The following TMEM245 variants were observed in gnomAD, a reference collection of about 807,000 sequenced individuals.
The protein encoded by TMEM245 is transmembrane protein 245, also known as protein CG-2.
Under a neutral mutation model 101.2 loss-of-function variants are expected in TMEM245, and 69 were observed. The ratio of observed to expected loss-of-function variants is 0.68; its 90% CI spans 0.56 to 0.83. The LOEUF (loss-of-function observed/expected upper bound fraction) is 0.83, where lower values mean the gene tolerates loss of function less well. Ranked by LOEUF, TMEM245 falls within the 40% of genes least tolerant of loss-of-function variation. The pLI is 0.00. For missense variants in TMEM245, 1,075 were observed against 1,092.8 expected, an observed-to-expected ratio of 0.98 and a Z score of 0.23; for synonymous variants, 537 against 449.8, an observed-to-expected ratio of 1.19 and a Z score of -2.45.
At chr9:109,074,997 A>G (rs1006472533) in intron 8 of TMEM245, among the ~76,000 whole-genome samples, 1 of 152,210 alleles carries the variant, frequency 6.6e-6, no homozygotes, top group African/African-American at 2.4e-5. Flanking sequence ...ATATGGAAAA[A>G]GAGAGGGCTG....
At chr9:109,059,846 G>A (rs1828956111) in intron 11 of TMEM245, among the ~76,000 whole-genome samples, 1 of 151,828 alleles carries the variant, frequency 6.6e-6, no homozygotes, top group South Asian at 2.1e-4. Context: ...CTTAAAATAT[G>A]GCTAGCTCAA....
chr9:109,034,102 G>A (rs1828049162), intron 16 of TMEM245, among the ~76,000 whole-genome samples: 1 of 152,218 alleles, frequency 6.6e-6, no homozygotes, highest in Non-Finnish European at 1.5e-5. Context: ...TATCACTTAT[G>A]TAAGCGGAAT....
chr9:109,038,472 T>C (rs144766739), intron 14 of TMEM245: 9 of 173,562 alleles, frequency 5.2e-5, no homozygotes, highest in African/African-American at 2.1e-4. Context: ...GGAAAGAAAA[T>C]TAAGCGTGAA....
At chr9:109,059,438 CG>C (rs1354499496) in intron 11 of TMEM245, among the ~76,000 whole-genome samples, 2 of 152,126 alleles carry the variant, frequency 1.3e-5, no homozygotes, top group Non-Finnish European at 2.9e-5. Context: ...ATACACAGCA[CG>C]GCTCCTGCTA....
chr9:109,050,339 T>C lies in TMEM245; in HGVS notation c.2067A>G (p.Leu689=), dbSNP rs753297501. 17 of 1,613,990 alleles carry C rather than the reference T, an allele frequency of 1.1e-5. No individual in the cohort carries two copies. The highest frequency in any genetic ancestry group is 1.3e-5 in the African/African-American group (1 of 74,914). Residue 689 remains leucine, a synonymous_variant, in exon 14 of 18, where the codon CTA becomes CTG. Coordinates refer to ENST00000374586, the MANE Select transcript of TMEM245 (RefSeq NM_032012.4). ...PVKWVISLTP[L]SQPGPSSNII... is the part of the protein sequence containing the mutation. Reference sequence around the variant, plus strand: ...TATTAGAAGAAGGACCTGGCTGAGATAGTGGAGTCAGGCTTATCACCCACT... The same window carrying C: ...TATTAGAAGAAGGACCTGGCTGAGACAGTGGAGTCAGGCTTATCACCCACT...
chr9:109,082,551 C>T (rs188133159), intron 7 of TMEM245, among the ~76,000 whole-genome samples: 36 of 152,188 alleles, frequency 2.4e-4, no homozygotes, highest in Non-Finnish European at 4.1e-4. Context: ...CATTCAATTA[C>T]TATGTGTTTG....
In TMEM245 at chr9:109,091,126, T is replaced by G. The variant is rs752431760; in HGVS notation, c.946A>C (p.Thr316Pro). 3.7e-6 allele frequency: 6 copies of G among 1,613,996 alleles called. No homozygotes were observed. The highest frequency in any genetic ancestry group is 4.2e-6 in the Non-Finnish European group (5 of 1,179,998). ...EAVDRGESAP[T>P]LSTSPSPSSP... ...GAGGGTGAAGGGGAGGTGGACAACG[T>G]TGGAGCGGATTCTCCCCTGTCCACT... The change falls in exon 5 of 18, where the codon ACG becomes CCG. Residue 316 changes from threonine to proline, a missense_variant. Thr to Pro is a conservative substitution (Grantham distance 38). This residue lies in a region of TMEM245 where 808 missense variants were observed against 741.5 expected (regional missense o/e 1.09). Coordinates refer to ENST00000374586, the MANE Select transcript of TMEM245 (RefSeq NM_032012.4).
intron 7 of TMEM245, among the ~76,000 whole-genome samples, chr9:109,081,291 A>T (rs1829658984): frequency 6.6e-6 from 1 of 152,180 alleles, no homozygotes. Context: ...AGCTGACCTA[A>T]AATCTTATGA....
In TMEM245 at chr9:109,091,139, T is replaced by C; in HGVS notation, c.933A>G (p.Gly311=). The C allele has an allele frequency of 1.2e-6, 2 of 1,613,732 alleles. No homozygotes were observed. The highest frequency in any genetic ancestry group is 1.7e-6 in the Non-Finnish European group (2 of 1,179,854). Reference sequence around the variant, plus strand: ...AGGTGGACAACGTTGGAGCGGATTCTCCCCTGTCCACTGCTTCTGAAAAGG... The same window carrying C: ...AGGTGGACAACGTTGGAGCGGATTCCCCCCTGTCCACTGCTTCTGAAAAGG... ...STQPAEAVDR[G]ESAPTLSTSP... The change falls in exon 5 of 18, where the codon GGA becomes GGG. Residue 311 remains glycine, a synonymous_variant. Transcript: ENST00000374586.
intron 1 of TMEM245, among the ~76,000 whole-genome samples, chr9:109,113,456 AAAC>A (rs1256173569): frequency 6.6e-6 from 1 of 152,246 alleles, no homozygotes; most frequent in Non-Finnish European, 1.5e-5. Context: ...ATGTTCTCCA[AAAC>A]AACATGTCCT....
rs542722228 is a variant in TMEM245 at position 109,118,509 on chromosome 9, AT to A, written c.579+825del. 1.6e-3 allele frequency among the ~76,000 whole-genome samples: 250 copies of A among 152,348 alleles called. 3 individuals are homozygous for A. Among genetic ancestry groups the A allele is most frequent in the African/African-American group, 5.7e-3 (236 of 41,576 alleles). Reference sequence around the variant, plus strand: ...GTCCACAATATAGTCTGAGTTAGGAATTGTGTCACTAGATTACCTTTGAAAT... The same window carrying A: ...GTCCACAATATAGTCTGAGTTAGGAATGTGTCACTAGATTACCTTTGAAAT... On this transcript the variant is annotated intron_variant, in intron 1 of 17. Transcript: ENST00000374586.
At chr9:109,087,609 C>T (rs1250373641) in intron 5 of TMEM245, among the ~76,000 whole-genome samples, 1 of 152,088 alleles carries the variant, frequency 6.6e-6, no homozygotes, top group Non-Finnish European at 1.5e-5. Flanking sequence ...TATTTTACAG[C>T]CCACATAAAC....
In TMEM245 at chr9:109,049,855, C is replaced by T. The variant is rs372369429; in HGVS notation, c.2123+428G>A. Among the ~76,000 whole-genome samples the T allele has an allele frequency of 4.6e-5, 7 of 152,114 alleles. No homozygotes were observed. The South Asian group carries it at 1.5e-3, about 32-fold the overall frequency. On this transcript the variant is annotated intron_variant, in intron 14 of 17. Transcript: ENST00000374586. ...TGTCACCAAGGCTGGAGCGCAGTGG[C>T]GTGATCACAGCTCACTGTAACCTCA...
intron 11 of TMEM245, 47 bp downstream of exon 11, chr9:109,060,307 A>G (rs1174804148): frequency 5.2e-6 from 7 of 1,342,730 alleles, no homozygotes; most frequent in Non-Finnish European, 7.3e-6. Context: ...AGTCAATAAA[A>G]GGACTTTATT....
intron 1 of TMEM245, among the ~76,000 whole-genome samples, chr9:109,110,621 C>G (rs1225197328): frequency 6.6e-6 from 1 of 151,718 alleles, no homozygotes; most frequent in East Asian, 1.9e-4. Context: ...GTCAGTTAGC[C>G]CCACCCTATT....
chr9:109,098,244 T>G (rs1378382306), intron 3 of TMEM245, among the ~76,000 whole-genome samples: 1 of 152,194 alleles, frequency 6.6e-6, no homozygotes, highest in Non-Finnish European at 1.5e-5. Flanking sequence ...GCTTAAGGAA[T>G]AACTCTCCAA....
intron 8 of TMEM245, among the ~76,000 whole-genome samples, chr9:109,076,296 C>T (rs1829496645): frequency 6.6e-6 from 1 of 151,142 alleles, no homozygotes; most frequent in African/African-American, 2.4e-5. Flanking sequence ...AACCAAACAC[C>T]ACATGTTCTC....
chr9:109,087,031 T>A, intron 6 of TMEM245, 142 bp downstream of exon 6: 1 of 735,340 alleles, frequency 1.4e-6, no homozygotes, highest in Admixed American at 3.0e-5. Context: ...AAACCATAAT[T>A]TTAAACATTA....
intron 9 of TMEM245, among the ~76,000 whole-genome samples, chr9:109,066,213 G>C (rs1314401601): frequency 6.6e-6 from 1 of 151,890 alleles, no homozygotes; most frequent in Non-Finnish European, 1.5e-5. Flanking sequence ...CAGCACTTTG[G>C]GAGGCCAAGG....
Sources: gnomAD v4.1 joint callset for allele counts (sites outside exome capture counted in the v4.1 genomes callset) on GRCh38, gnomAD v4.1.1 for gene constraint, gnomAD v4.1.1 regional missense constraint, MANE v1.5 for transcripts, NCBI Gene and HGNC (gene_info 2026-07-23, HGNC 2026-07-21) for gene names.